The following OR3A2 variants were observed in gnomAD, a reference collection of about 807,000 sequenced individuals.
OR3A2 encodes olfactory receptor 3A2.
For synonymous variants in OR3A2, 126 were observed against 159.3 expected, an observed-to-expected ratio of 0.79 and a Z score of 1.57; for missense variants, 318 against 392.8, an observed-to-expected ratio of 0.81 and a Z score of 1.61.
intron 3 of OR3A2, among the ~76,000 whole-genome samples, chr17:3,331,210 A>G (rs1180098361): frequency 2.0e-5 from 3 of 151,872 alleles, no homozygotes; most frequent in Admixed American, 2.0e-4. Context: ...TGCTCTTCTC[A>G]AGGAGTAACT....
At chr17:3,319,086 A>G (rs1179368217) in intron 3 of OR3A2, among the ~76,000 whole-genome samples, 4 of 152,182 alleles carry the variant, frequency 2.6e-5, no homozygotes, top group African/African-American at 9.7e-5. Context: ...ACTGGTGAAT[A>G]AATGATAAGT....
intron 2 of OR3A2, among the ~76,000 whole-genome samples, chr17:3,370,909 C>A (rs1416232760): frequency 6.6e-6 from 1 of 152,116 alleles, no homozygotes; most frequent in Non-Finnish European, 1.5e-5. Context: ...CCTGAGTGGA[C>A]ACAGCACATG....
At chr17:3,293,736 G>A (rs113566214) in intron 3 of OR3A2, among the ~76,000 whole-genome samples, 23,531 of 152,122 alleles carry the variant, frequency 0.15, 2,415 homozygotes, top group African/African-American at 0.29. Context: ...ACTGGATAAA[G>A]AAAATGTGGT....
rs184606534 is a variant in OR3A2, at chr17:3,322,808, C to G, written c.-85+13225G>C. ...TACTTCCAACTATGTGGTCAATTTT[C>G]GAATAGGTGTGGTGTGTTTCTGAAA... On this transcript the variant is annotated intron_variant, in intron 3 of 4. Coordinates refer to the OR3A2 transcript ENST00000573491. 3.6e-4 allele frequency among the ~76,000 whole-genome samples: 54 copies of G among 152,028 alleles called. No homozygotes were observed. The East Asian group carries it at 7.7e-3, about 22-fold the overall frequency.
intron 2 of OR3A2, among the ~76,000 whole-genome samples, chr17:3,344,749 G>C (rs1038955703): frequency 6.6e-6 from 1 of 152,104 alleles, no homozygotes; most frequent in African/African-American, 2.4e-5. Flanking sequence ...ACCAAGATCT[G>C]GTCAAGCAGT....
At chr17:3,314,740 T>C (rs1004771517) in intron 3 of OR3A2, among the ~76,000 whole-genome samples, 3 of 152,214 alleles carry the variant, frequency 2.0e-5, no homozygotes. Context: ...ATGTGCAGAT[T>C]TGTTACTTGG....
At chr17:3,355,428 T>TTCTCTCTCTC (rs3037631) in intron 2 of OR3A2, among the ~76,000 whole-genome samples, 12 of 139,578 alleles carry the variant, frequency 8.6e-5, no homozygotes, top group African/African-American at 2.9e-4. Flanking sequence ...ATGTTGGCAT[T>TTCTCTCTCTC]TCTCTCTCTC....
chr17:3,313,312 A>G (rs998715749), intron 3 of OR3A2, among the ~76,000 whole-genome samples: 1 of 152,208 alleles, frequency 6.6e-6, no homozygotes, highest in African/African-American at 2.4e-5. Context: ...ACACAGAGGT[A>G]TCCACAGTTA....
intron 3 of OR3A2, among the ~76,000 whole-genome samples, chr17:3,334,964 T>C (rs747042383): frequency 5.3e-5 from 8 of 152,196 alleles, no homozygotes; most frequent in Middle Eastern, 3.2e-3. Flanking sequence ...TTGTCTCCAT[T>C]AGAAATCACT....
At chr17:3,338,795 C>G (rs1414454760) in intron 2 of OR3A2, among the ~76,000 whole-genome samples, 1 of 152,094 alleles carries the variant, frequency 6.6e-6, no homozygotes, top group Admixed American at 6.6e-5. Flanking sequence ...TAGTTTTTTC[C>G]AATTCTGTGA....
At chr17:3,340,021 A>G (rs2049303842) in intron 2 of OR3A2, among the ~76,000 whole-genome samples, 1 of 152,076 alleles carries the variant, frequency 6.6e-6, no homozygotes, top group Non-Finnish European at 1.5e-5. Context: ...GTGTCCAGAA[A>G]TTTATCCATT....
chr17:3,340,198 TG>T (rs2049305837), intron 2 of OR3A2, among the ~76,000 whole-genome samples: 2 of 152,202 alleles, frequency 1.3e-5, no homozygotes, highest in African/African-American at 4.8e-5. Context: ...TCAATTTTAT[TG>T]ATCTTTTCAA....
Position 3,338,942 on chromosome 17 carries a change from T to C in OR3A2, c.-178-2816A>G, listed in dbSNP as rs145026171. On this transcript the variant is annotated intron_variant, in intron 2 of 4. Coordinates refer to the OR3A2 transcript ENST00000573491. ...TTTGCTTCTGTCCTCTTTTATTTTG[T>C]TGAGCAGTGGTTTGTAGCTCTCCTT... 3.8e-3 allele frequency among the ~76,000 whole-genome samples: 578 copies of C among 152,356 alleles called. 5 individuals are homozygous for C. The highest frequency in any genetic ancestry group is 0.013 in the African/African-American group (549 of 41,594).
chr17:3,358,759 T>G (rs982531933), intron 2 of OR3A2, among the ~76,000 whole-genome samples: 1 of 151,778 alleles, frequency 6.6e-6, no homozygotes, highest in East Asian at 1.9e-4. Context: ...TTCTATTGTT[T>G]TGGGGTGCAG....
At chr17:3,339,251 C>T (rs939897987) in intron 2 of OR3A2, among the ~76,000 whole-genome samples, 6 of 152,188 alleles carry the variant, frequency 3.9e-5, no homozygotes, top group African/African-American at 1.2e-4. Context: ...CAATTGAATA[C>T]ACTTTATTTC....
At chr17:3,286,384 A>G (rs1008531133), upstream of OR3A2, among the ~76,000 whole-genome samples, 1 of 152,142 alleles carries the variant, frequency 6.6e-6, no homozygotes, top group Non-Finnish European at 1.5e-5. Flanking sequence ...ATACATGTGC[A>G]TGTGTCTTTA....
intron 3 of OR3A2, among the ~76,000 whole-genome samples, chr17:3,290,202 G>T (rs950866321): frequency 1.3e-5 from 2 of 152,104 alleles, no homozygotes; most frequent in African/African-American, 4.8e-5. Flanking sequence ...GCTGGAATTG[G>T]TTATTGCTGG....
intron 3 of OR3A2, among the ~76,000 whole-genome samples, chr17:3,322,706 T>A (rs2049134958): frequency 6.6e-6 from 1 of 152,198 alleles, no homozygotes; most frequent in Non-Finnish European, 1.5e-5. Flanking sequence ...TAATTCTGAG[T>A]TCTAGTTTGA....
chr17:3,376,080 T>C (rs1038555087), intron 2 of OR3A2, among the ~76,000 whole-genome samples: 10 of 152,256 alleles, frequency 6.6e-5, no homozygotes, highest in African/African-American at 2.2e-4. Context: ...ATGCTGGTCA[T>C]GCTAGCAGTT....
Sources: allele counts gnomAD v4.1 joint callset (sites outside exome capture counted in the v4.1 genomes callset), GRCh38; gene constraint gnomAD v4.1.1; transcripts MANE v1.5; gene names NCBI Gene and HGNC (gene_info 2026-07-23, HGNC 2026-07-21).